Variants in RGS7 observed in about 807,000 individuals in gnomAD.
RGS7 encodes the protein regulator of G protein signaling 7, also known as regulator of G-protein signaling 7.
A neutral mutation model predicts 81.1 loss-of-function variants in RGS7; 27 were observed. The observed-to-expected ratio is 0.33, with a 90% CI of 0.25 to 0.46. RGS7 has a LOEUF of 0.46. Among genes scored for constraint, RGS7 ranks in the 20% least tolerant of loss-of-function variants. RGS7 has a pLI of 1.00. For synonymous variants in RGS7, 208 were observed against 207.7 expected (o/e 1.00, Z -0.01); for missense variants, 396 against 607.4 (o/e 0.65, Z 3.66).
At chr1:240,828,392 G>C (rs1048700283) in intron 9 of RGS7, among the ~76,000 whole-genome samples, 3 of 152,208 alleles carry the variant, frequency 2.0e-5, no homozygotes, top group Non-Finnish European at 4.4e-5. Context: ...AATGTAGAAA[G>C]GGCTTAGACA....
intron 10 of RGS7, among the ~76,000 whole-genome samples, chr1:240,821,173 C>T (rs532602341): frequency 3.3e-5 from 5 of 152,266 alleles, no homozygotes; most frequent in African/African-American, 1.2e-4. Flanking sequence ...CCCCTCTTGG[C>T]CGGGTGTGGT....
At chr1:240,893,804 A>C (rs1668629472) in intron 6 of RGS7, among the ~76,000 whole-genome samples, 1 of 152,172 alleles carries the variant, frequency 6.6e-6, no homozygotes, top group Non-Finnish European at 1.5e-5. Context: ...ATGAGATTGA[A>C]GAGTTTTTCA....
chr1:241,163,616 T>A lies in RGS7; in HGVS notation c.79-64854A>T, dbSNP rs1274000675. ...GAGATTTCATCTACATAACAAGTGA[T>A]CTTTGCTAGCCAGGGCTCCTCTTCT... On this transcript the variant is annotated intron_variant, in intron 2 of 18. Coordinates refer to ENST00000440928, the MANE Select transcript of RGS7 (RefSeq NM_001364886.1). The surrounding 1 kb of genome is among the most constrained non-coding windows in gnomAD (Gnocchi z 4.6). Among the ~76,000 whole-genome samples the A allele has an allele frequency of 6.6e-6, 1 of 152,138 alleles. No individual in the cohort carries two copies. The highest frequency in any genetic ancestry group is 1.5e-5 in the Non-Finnish European group (1 of 68,028).
At chr1:241,066,192 T>C (rs1358369946) in intron 3 of RGS7, among the ~76,000 whole-genome samples, 1 of 152,222 alleles carries the variant, frequency 6.6e-6, no homozygotes, top group Non-Finnish European at 1.5e-5. Flanking sequence ...ATTTTCACTC[T>C]CCCTGAAGGT....
chr1:241,276,384 G>GA lies in RGS7; in HGVS notation c.78+79314dup, dbSNP rs1168811073. Among the ~76,000 whole-genome samples, 4 of 152,150 alleles carry GA rather than the reference G, an allele frequency of 2.6e-5. No homozygotes were observed. In the East Asian group the frequency reaches 7.7e-4, roughly 29 times the overall value. On this transcript the variant is annotated intron_variant, in intron 2 of 18. Transcript: ENST00000440928. ...TCGATAAAGCCTGAGAGGTTAATAT[G>GA]ATTCTAGACAACCATTCATAGGCAG...
intron 4 of RGS7, among the ~76,000 whole-genome samples, chr1:240,982,754 T>G (rs548914803): frequency 1.3e-5 from 2 of 152,334 alleles, no homozygotes; most frequent in South Asian, 4.1e-4. Context: ...GGAAAGTTCA[T>G]TAATTCATAA....
In RGS7 at chr1:240,993,777, C is replaced by T. The variant is rs12403936; in HGVS notation, c.176-10648G>A. ...AAATCTAAGAACTCTTTGCCTAGAC[C>T]AAGATATCCAATAATTTCTCCTACT... is the stretch of plus-strand genomic sequence containing the variant. On this transcript the variant is annotated intron_variant, in intron 3 of 18. Transcript: ENST00000440928. Among the ~76,000 whole-genome samples the T allele has an allele frequency of 3.9e-3, 590 of 151,986 alleles. 8 individuals are homozygous for T. Among genetic ancestry groups the T allele is most frequent in the East Asian group, 0.024 (124 of 5,170 alleles).
At chr1:241,041,748 C>G (rs979852613) in intron 3 of RGS7, among the ~76,000 whole-genome samples, 2 of 152,138 alleles carry the variant, frequency 1.3e-5, no homozygotes, top group Non-Finnish European at 1.5e-5. Context: ...TTACCCATTA[C>G]ATTTAGGACT....
In RGS7 at chr1:241,343,187, G is replaced by A. The variant is rs143260600; in HGVS notation, c.78+12512C>T. Among the ~76,000 whole-genome samples the A allele has an allele frequency of 8.2e-3, 1,240 of 151,978 alleles. 20 individuals carry two copies. The highest frequency in any genetic ancestry group is 0.029 in the African/African-American group (1,182 of 41,432). On this transcript the variant is annotated intron_variant, in intron 2 of 18. Transcript: ENST00000440928. ...TGAGGCAGGAGAATGGCGTGAACCC[G>A]GGAGGTGGAGCTTGCAGTGAGCTGA...
chr1:241,123,096 G>C (rs1193617475), intron 2 of RGS7, among the ~76,000 whole-genome samples: 2 of 152,120 alleles, frequency 1.3e-5, no homozygotes, highest in African/African-American at 2.4e-5. Context: ...GAACCCTAGA[G>C]GACATCAACA....
chr1:241,235,594 T>C (rs2075888968), intron 2 of RGS7, among the ~76,000 whole-genome samples: 1 of 150,980 alleles, frequency 6.6e-6, no homozygotes, highest in South Asian at 2.1e-4. Context: ...TCTTTCTTTC[T>C]TCCTTTATTT....
intron 2 of RGS7, among the ~76,000 whole-genome samples, chr1:241,135,949 C>CA (rs1403118700): frequency 5.6e-5 from 7 of 125,582 alleles, no homozygotes; most frequent in Non-Finnish European, 9.5e-5. Flanking sequence ...TGGGTGGTTA[C>CA]ATGATAATGA....
chr1:240,852,747 G>A (rs1660339671), intron 9 of RGS7, among the ~76,000 whole-genome samples: 1 of 152,098 alleles, frequency 6.6e-6, no homozygotes, highest in African/African-American at 2.4e-5. Flanking sequence ...ACAATCAAAG[G>A]TAAGTAAGAG....
At chr1:241,053,436 A>G (rs2061345353) in intron 3 of RGS7, among the ~76,000 whole-genome samples, 1 of 152,224 alleles carries the variant, frequency 6.6e-6, no homozygotes, top group Admixed American at 6.5e-5. Flanking sequence ...TGGAGGGGGA[A>G]AGTCATAAAG....
At chr1:241,318,728 G>A (rs193087461) in intron 2 of RGS7, among the ~76,000 whole-genome samples, 49 of 152,002 alleles carry the variant, frequency 3.2e-4, no homozygotes, top group Non-Finnish European at 5.0e-4. Flanking sequence ...CACCTGCCTC[G>A]GCTTCCCAAA....
intron 2 of RGS7, among the ~76,000 whole-genome samples, chr1:241,253,205 T>C (rs965851106): frequency 1.3e-5 from 2 of 152,190 alleles, no homozygotes; most frequent in African/African-American, 2.4e-5. Flanking sequence ...TTCCCCAGAT[T>C]ATCGACATGT....
intron 4 of RGS7, among the ~76,000 whole-genome samples, chr1:240,963,762 C>T (rs1459067644): frequency 6.6e-6 from 1 of 152,120 alleles, no homozygotes; most frequent in Non-Finnish European, 1.5e-5. Context: ...TAGCGTGGAC[C>T]ATGAATCAAT....
intron 6 of RGS7, among the ~76,000 whole-genome samples, chr1:240,930,222 C>CTTTT (rs10676730): frequency 0.017 from 1,903 of 113,768 alleles, 61 homozygotes; most frequent in African/African-American, 0.06. Flanking sequence ...TCTTTTTTAG[C>CTTTT]TTTTTTTTTT....
In RGS7 at chr1:240,837,000, A is replaced by G. The variant is rs561645386; in HGVS notation, c.610-9828T>C. 6.1e-4 allele frequency among the ~76,000 whole-genome samples: 93 copies of G among 152,340 alleles called. 2 individuals carry two copies. The highest frequency in any genetic ancestry group is 8.7e-4 in the Non-Finnish European group (59 of 68,020). On this transcript the variant is annotated intron_variant, in intron 9 of 18. Transcript: ENST00000440928. ...CAATGACATTCCCTTTTTATAGACT[A>G]GGAATTGCCTTGCAGGTACCATTCT...
Sources: allele counts gnomAD v4.1 joint callset (sites outside exome capture counted in the v4.1 genomes callset), GRCh38; gene constraint gnomAD v4.1.1; non-coding constraint Gnocchi (gnomAD v3.1); transcripts MANE v1.5; gene names NCBI Gene and HGNC (gene_info 2026-07-23, HGNC 2026-07-21).